The following DERA variants were observed in gnomAD, a reference collection of about 807,000 sequenced individuals.
DERA encodes deoxyribose-phosphate aldolase, also known as 2-deoxy-D-ribose 5-phosphate aldolase.
Under a neutral mutation model 41.1 loss-of-function variants are expected in DERA, and 15 were observed. The ratio of observed to expected loss-of-function variants is 0.37; its 90% confidence interval spans 0.24 to 0.56. The LOEUF (loss-of-function observed/expected upper bound fraction) is 0.56. Ranked by LOEUF, DERA falls within the 20% of genes least tolerant of loss-of-function variation. DERA has a pLI of 0.81. For synonymous variants in DERA, 139 were observed against 137.4 expected, an observed-to-expected ratio of 1.01 and a Z score of -0.08; for missense variants, 396 against 403.4, an observed-to-expected ratio of 0.98 and a Z score of 0.16.
chr12:15,975,261 G>T (rs1476197893), intron 5 of DERA, among the ~76,000 whole-genome samples: 1 of 146,224 alleles, frequency 6.8e-6, no homozygotes, highest in African/African-American at 2.5e-5. Flanking sequence ...GGAGTGCTGA[G>T]TGGTTGGCTA....
rs770429128 is a variant in DERA at position 15,982,390 on chromosome 12, A to G, written c.591A>G (p.Gly197=). ...CTATATTAGCGACAGGAGAACTTGGAACTCTTACTAATGTCTATAAAGCCA... is the reference window on the plus strand; with the variant it reads ...CTATATTAGCGACAGGAGAACTTGGGACTCTTACTAATGTCTATAAAGCCA... The part of the protein sequence containing the change: ...LKTILATGEL[G]TLTNVYKASM... Residue 197 remains glycine (G), a synonymous_variant, in exon 6 of 9, where the codon GGA becomes GGG. Transcript: ENST00000428559. The surrounding 1 kb of genome is among the most constrained non-coding windows in gnomAD (Gnocchi z 4.0). 8.7e-5 allele frequency: 140 copies of G among 1,613,802 alleles called. No individual in the cohort carries two copies. Among genetic ancestry groups the G allele is most frequent in the Non-Finnish European group, 1.1e-4 (133 of 1,179,872 alleles).
rs1948330676 is a variant in DERA, at chr12:15,931,884, G to A, written c.31+20470G>A. On this transcript the variant is annotated intron_variant, in intron 1 of 8. Transcript: ENST00000428559. This position sits in a 1 kb window ranked among gnomAD's most constrained non-coding sequence, Gnocchi z 4.6. Reference sequence around the variant, plus strand: ...TTCTGTTGCTTCGTCTCTTGAGGAAGATCTTGTGAGTTTTTTTGCACATAC... The same window carrying A: ...TTCTGTTGCTTCGTCTCTTGAGGAAAATCTTGTGAGTTTTTTTGCACATAC... 6.6e-6 allele frequency among the ~76,000 whole-genome samples: 1 copy of A among 152,158 alleles called. No homozygotes were observed. The highest frequency in any genetic ancestry group is 2.1e-4 in the South Asian group (1 of 4,828).
intron 6 of DERA, among the ~76,000 whole-genome samples, chr12:15,991,377 T>G (rs1948800985): frequency 6.6e-6 from 1 of 152,222 alleles, no homozygotes; most frequent in Admixed American, 6.5e-5. Context: ...ATGCATAGTT[T>G]GCAAAAATGT....
chr12:15,923,017 CTTTTTTTTTT>C (rs1208644862), intron 1 of DERA, among the ~76,000 whole-genome samples: 3,252 of 104,470 alleles, frequency 0.031, 156 homozygotes, highest in African/African-American at 0.11. Context: ...TTTGTTTTTG[CTTTTTTTTTT>C]TTTTTTTTTT....
In DERA at chr12:16,036,461, G is replaced by T. The variant is rs773406878; in HGVS notation, c.900+80G>T. 392 of 1,475,668 alleles carry T rather than the reference G, an allele frequency of 2.7e-4. No homozygotes were observed. The highest frequency in any genetic ancestry group is 3.4e-4 in the Non-Finnish European group (367 of 1,094,094). The allele number at this position is 1,475,668 out of a possible 1,614,324, so 91.4% of individuals were successfully genotyped here. ...AATTGAAAAGTCAAATTGAGAACTG[G>T]AGATAAAAACTCATCTGATTGACCT... On this transcript the variant is annotated intron_variant, in intron 8 of 8. Coordinates refer to ENST00000428559, the MANE Select transcript of DERA (RefSeq NM_015954.4). The surrounding 1 kb of genome is among the most constrained non-coding windows in gnomAD (Gnocchi z 4.9).
intron 1 of DERA, among the ~76,000 whole-genome samples, chr12:15,939,522 T>G (rs1201269748): frequency 6.6e-6 from 1 of 152,228 alleles, no homozygotes; most frequent in African/African-American, 2.4e-5. Flanking sequence ...TCCATTCTTT[T>G]GTAGGAGTAA....
rs1592009095 is a variant in DERA, at chr12:15,941,990, G to A, written c.32-14946G>A. On this transcript the variant is annotated intron_variant, in intron 1 of 8. Coordinates refer to ENST00000428559, the MANE Select transcript of DERA (RefSeq NM_015954.4). This position sits in a 1 kb window ranked among gnomAD's most constrained non-coding sequence, Gnocchi z 4.5. ...TTACATTCCCATCACCAATGTAAAA[G>A]TGTTCCCTTTTCACCACATTTATAT... Among the ~76,000 whole-genome samples, 1 of 152,316 alleles carries A rather than the reference G, an allele frequency of 6.6e-6. No homozygotes were observed. Among genetic ancestry groups the A allele is most frequent in the East Asian group, 1.9e-4 (1 of 5,188 alleles).
At chr12:15,945,857 G>A (rs1592011237) in intron 1 of DERA, among the ~76,000 whole-genome samples, 1 of 152,246 alleles carries the variant, frequency 6.6e-6, no homozygotes, top group East Asian at 1.9e-4. Context: ...GTATGATATT[G>A]GCTGTGAGTT....
rs993625769 is a variant in DERA, at chr12:16,009,725, A to G, written c.638-22817A>G. On this transcript the variant is annotated intron_variant, in intron 6 of 8. Transcript: ENST00000428559. The surrounding 1 kb of genome is among the most constrained non-coding windows in gnomAD (Gnocchi z 5.3). ...ACATTTAATAACCTTCCTGAAATAC[A>G]TGGGAGAAATTATATCTACAATGTA... Among the ~76,000 whole-genome samples, 1 of 152,172 alleles carries G rather than the reference A, an allele frequency of 6.6e-6. No individual in the cohort carries two copies. The highest frequency in any genetic ancestry group is 2.4e-5 in the African/African-American group (1 of 41,444).
At position 15,976,160 on chromosome 12, in the gene DERA, C is replaced by A. The variant is rs971182502; in HGVS notation, c.509-6148C>A. On this transcript the variant is annotated intron_variant, in intron 5 of 8. Transcript: ENST00000428559. This position sits in a 1 kb window ranked among gnomAD's most constrained non-coding sequence, Gnocchi z 4.1. ...ATTGCATGGTTTATTCTTACTTTCC[C>A]CTTCCATATTTATACCCCTTCTTCC... Among the ~76,000 whole-genome samples, 1 of 152,114 alleles carries A rather than the reference C, an allele frequency of 6.6e-6. No homozygotes were observed. The highest frequency in any genetic ancestry group is 1.5e-5 in the Non-Finnish European group (1 of 68,024).
Position 16,013,869 on chromosome 12 carries a change from A to C in DERA, c.638-18673A>C, listed in dbSNP as rs1948962936. Among the ~76,000 whole-genome samples the C allele has an allele frequency of 6.6e-6, 1 of 152,212 alleles. No individual in the cohort carries two copies. Among genetic ancestry groups the C allele is most frequent in the African/African-American group, 2.4e-5 (1 of 41,446 alleles). ...GCTGAAGTGGTCTCAGGTGGAGATC[A>C]GGAACTTGTAGAGGACTGGAGCAAA... On this transcript the variant is annotated intron_variant, in intron 6 of 8. Transcript: ENST00000428559. The surrounding 1 kb of genome is among the most constrained non-coding windows in gnomAD (Gnocchi z 5.8).
rs1326095957 is a variant in DERA, at chr12:16,003,558, G to A, written c.637+21122G>A. 1.3e-5 allele frequency among the ~76,000 whole-genome samples: 2 copies of A among 152,118 alleles called. No individual in the cohort carries two copies. Among genetic ancestry groups the A allele is most frequent in the African/African-American group, 4.8e-5 (2 of 41,422 alleles). ...AGAAACTGTGAGGGGTTAGGGTTTG[G>A]GTTAGAGAAGCCTACTACTGTAGGC... On this transcript the variant is annotated intron_variant, in intron 6 of 8. Coordinates refer to ENST00000428559, the MANE Select transcript of DERA (RefSeq NM_015954.4). The surrounding 1 kb of genome is among the most constrained non-coding windows in gnomAD (Gnocchi z 4.8).
chr12:16,016,284 T>G (rs1015375165), intron 6 of DERA, among the ~76,000 whole-genome samples: 15 of 152,166 alleles, frequency 9.9e-5, no homozygotes, highest in Non-Finnish European at 1.9e-4. Context: ...ATAACTCTCC[T>G]TCCTTGACAG....
In DERA at chr12:15,981,800, C is replaced by A. The variant is rs567834643; in HGVS notation, c.509-508C>A. Among the ~76,000 whole-genome samples, 3 of 152,310 alleles carry A rather than the reference C, an allele frequency of 2.0e-5. No homozygotes were observed. Among genetic ancestry groups the A allele is most frequent in the Non-Finnish European group, 4.4e-5 (3 of 68,032 alleles). On this transcript the variant is annotated intron_variant, in intron 5 of 8. Transcript: ENST00000428559. The surrounding 1 kb of genome is among the most constrained non-coding windows in gnomAD (Gnocchi z 6.1). ...TTTTAGTCAGATATATAAACATACT[C>A]TGGCAGGCAGTGGGGCAAGCTGCTG... is the stretch of plus-strand genomic sequence containing the variant.
intron 1 of DERA, among the ~76,000 whole-genome samples, chr12:15,917,429 T>C (rs1591996718): frequency 6.6e-6 from 1 of 152,244 alleles, no homozygotes; most frequent in East Asian, 1.9e-4. Context: ...AATTTTTTTC[T>C]CTTTAATATT....
rs1416806380 is a variant in DERA, at chr12:16,003,122, G to T, written c.637+20686G>T. Among the ~76,000 whole-genome samples, 2 of 152,110 alleles carry T rather than the reference G, an allele frequency of 1.3e-5. No individual in the cohort carries two copies. Among genetic ancestry groups the T allele is most frequent in the African/African-American group, 4.8e-5 (2 of 41,414 alleles). On this transcript the variant is annotated intron_variant, in intron 6 of 8. Coordinates refer to ENST00000428559, the MANE Select transcript of DERA (RefSeq NM_015954.4). The surrounding 1 kb of genome is among the most constrained non-coding windows in gnomAD (Gnocchi z 4.8). ...GCTATGAGAAAGAATCTGTTTTGTG[G>T]CTCTCCCCTTACTTGCAGGGGATTG... is the stretch of plus-strand genomic sequence containing the variant.
intron 1 of DERA, among the ~76,000 whole-genome samples, chr12:15,953,166 G>T (rs1015565328): frequency 6.6e-6 from 1 of 152,118 alleles, no homozygotes; most frequent in South Asian, 2.1e-4. Context: ...ATCCATTAGG[G>T]TTGTTTTAGC....
In DERA at chr12:15,954,382, A is replaced by G. The variant is rs956157544; in HGVS notation, c.32-2554A>G. 6.6e-6 allele frequency among the ~76,000 whole-genome samples: 1 copy of G among 152,198 alleles called. No homozygotes were observed. The highest frequency in any genetic ancestry group is 1.5e-5 in the Non-Finnish European group (1 of 68,036). On this transcript the variant is annotated intron_variant, in intron 1 of 8. Transcript: ENST00000428559. The surrounding 1 kb of genome is among the most constrained non-coding windows in gnomAD (Gnocchi z 4.0). ...GCATTCTGAGTGAAGGGGATGTACT[A>G]AAGGTGGAATGCAGAGTTTCATGGA...
At chr12:15,962,634 T>G (rs1948595419) in intron 4 of DERA, 179 bp from the exon 5 acceptor site, 1 of 509,314 alleles carries the variant, frequency 2.0e-6, no homozygotes, top group Non-Finnish European at 3.5e-6. Flanking sequence ...TTCACACTTA[T>G]GCATAAGTGA....
Sources: gnomAD v4.1 joint callset for allele counts (sites outside exome capture counted in the v4.1 genomes callset) on GRCh38, gnomAD v4.1.1 for gene constraint, Gnocchi (gnomAD v3.1) non-coding constraint, MANE v1.5 for transcripts, NCBI Gene and HGNC (gene_info 2026-07-23, HGNC 2026-07-21) for gene names.